KAZN: variants seen among roughly 807,000 people sequenced by gnomAD.
KAZN encodes kazrin, periplakin interacting protein.
A neutral mutation model predicts 87.4 loss-of-function variants in KAZN; 40 were observed. The ratio of observed to expected loss-of-function variants is 0.46; its 90% CI spans 0.36 to 0.60. KAZN has a LOEUF of 0.60. KAZN is among the 20% of genes least tolerant of loss of function. The probability of loss-of-function intolerance (pLI) is 0.00; values close to 1 mark genes in which losing one functional copy is unlikely to be tolerated. For synonymous variants in KAZN, 466 were observed against 458.3 expected, an observed-to-expected ratio of 1.02 and a Z score of -0.22; for missense variants, 898 against 1,073.9, an observed-to-expected ratio of 0.84 and a Z score of 2.29.
chr1:14,913,114 G>A (rs1431559767), intron 1 of KAZN, among the ~76,000 whole-genome samples: 2 of 152,224 alleles, frequency 1.3e-5, no homozygotes, highest in African/African-American at 4.8e-5. Flanking sequence ...CTTTAGGAGT[G>A]TGTGCTTGTG....
intron 7 of KAZN, among the ~76,000 whole-genome samples, chr1:15,065,306 G>A (rs1200429666): frequency 6.6e-6 from 1 of 152,164 alleles, no homozygotes; most frequent in Non-Finnish European, 1.5e-5. Flanking sequence ...GGGATTACAG[G>A]TGTGAGCCAC....
chr1:14,349,923 T>C (rs1399945000), intron 2 of KAZN, among the ~76,000 whole-genome samples: 1 of 151,952 alleles, frequency 6.6e-6, no homozygotes, highest in East Asian at 1.9e-4. Flanking sequence ...GATCACGAGT[T>C]CAGGAGATCG....
chr1:14,596,318 AC>A (rs1473773216), upstream of KAZN, among the ~76,000 whole-genome samples: 61 of 150,094 alleles, frequency 4.1e-4, no homozygotes, highest in African/African-American at 1.1e-3. Flanking sequence ...GCACACACAC[AC>A]ACACACACAC....
chr1:15,109,627 A>G (rs1035451080), intron 13 of KAZN, among the ~76,000 whole-genome samples: 2 of 126,368 alleles, frequency 1.6e-5, no homozygotes, highest in African/African-American at 6.3e-5. Flanking sequence ...GTGTGTGTGT[A>G]TATATGTGTA....
chr1:14,427,104 C>T (rs912903826), intron 2 of KAZN, among the ~76,000 whole-genome samples: 5 of 152,270 alleles, frequency 3.3e-5, no homozygotes, highest in East Asian at 3.9e-4. Flanking sequence ...GAAGGGAAGC[C>T]CCAAGGCAGA....
At chr1:14,158,229 A>G (rs546748190) in intron 1 of KAZN, among the ~76,000 whole-genome samples, 6 of 152,136 alleles carry the variant, frequency 3.9e-5, no homozygotes, top group African/African-American at 1.4e-4. Flanking sequence ...TTTAAGGCCA[A>G]TAACTTACAT....
At chr1:14,847,642 G>A (rs1325356814) in intron 1 of KAZN, among the ~76,000 whole-genome samples, 1 of 152,204 alleles carries the variant, frequency 6.6e-6, no homozygotes, top group African/African-American at 2.4e-5. Flanking sequence ...CATGATGCCA[G>A]GGACATTATC....
intron 2 of KAZN, among the ~76,000 whole-genome samples, chr1:14,202,778 A>G (rs1646665631): frequency 1.3e-5 from 2 of 152,122 alleles, no homozygotes; most frequent in African/African-American, 4.8e-5. Flanking sequence ...ATGATCAGGG[A>G]GGCTGAGGCA....
intron 2 of KAZN, among the ~76,000 whole-genome samples, chr1:14,229,716 G>T (rs368483731): frequency 1.3e-5 from 2 of 152,334 alleles, no homozygotes; most frequent in East Asian, 1.9e-4. Flanking sequence ...AGAGGAATCC[G>T]CACTTGAGGG....
chr1:14,067,331 T>G (rs945435406), intron 1 of KAZN, among the ~76,000 whole-genome samples: 23 of 152,214 alleles, frequency 1.5e-4, no homozygotes, highest in African/African-American at 5.3e-4. Context: ...AATGGGAAAC[T>G]TTCCCCCTCC....
Position 14,311,344 on chromosome 1 carries a change from T to C in KAZN, c.249+130752T>C, listed in dbSNP as rs1003044399. 5.3e-5 allele frequency among the ~76,000 whole-genome samples: 8 copies of C among 152,282 alleles called. No homozygotes were observed. The South Asian group carries it at 1.4e-3, about 28-fold the overall frequency. On this transcript the variant is annotated intron_variant, in intron 2 of 16. Transcript: ENST00000636203. ...TAATAAAAATTACTTTGTGGAGTCA[T>C]TGGGATCATTCAATGAGAGGATGAT...
At chr1:14,065,044 T>C (rs1430610371) in intron 1 of KAZN, among the ~76,000 whole-genome samples, 1 of 152,192 alleles carries the variant, frequency 6.6e-6, no homozygotes, top group African/African-American at 2.4e-5. Context: ...ATCTAGATGG[T>C]AACTTTTAAA....
intron 1 of KAZN, among the ~76,000 whole-genome samples, chr1:14,141,252 A>T (rs1306070737): frequency 6.7e-6 from 1 of 148,462 alleles, no homozygotes; most frequent in Non-Finnish European, 1.5e-5. Context: ...AAAAAAAAAA[A>T]ACAAAACTAA....
chr1:13,900,136 ATTC>A (rs1639194488), intron 1 of KAZN, among the ~76,000 whole-genome samples: 1 of 148,702 alleles, frequency 6.7e-6, no homozygotes, highest in Admixed American at 6.7e-5. Flanking sequence ...CTCAAGACTA[ATTC>A]TTCTTGATAG....
At chr1:14,445,595 C>T (rs530764584) in intron 2 of KAZN, among the ~76,000 whole-genome samples, 11 of 152,200 alleles carry the variant, frequency 7.2e-5, no homozygotes, top group Middle Eastern at 3.4e-3. Context: ...TGAAGCCCCC[C>T]GACTGTGGTA....
intron 1 of KAZN, among the ~76,000 whole-genome samples, chr1:13,934,010 G>T (rs1022102352): frequency 6.6e-6 from 1 of 152,166 alleles, no homozygotes; most frequent in Non-Finnish European, 1.5e-5. Context: ...AGAAAAGAAA[G>T]ACAAGATTAC....
At chr1:14,161,339 T>C (rs1379970354) in intron 1 of KAZN, among the ~76,000 whole-genome samples, 1 of 152,230 alleles carries the variant, frequency 6.6e-6, no homozygotes, top group African/African-American at 2.4e-5. Context: ...GAAGATGCAG[T>C]CACAGTGTTG....
In KAZN at chr1:13,943,200, TAGAG is replaced by T. The variant is rs543788068; in HGVS notation, c.91+49448_91+49451del. On this transcript the variant is annotated intron_variant, in intron 1 of 16. Transcript: ENST00000636203. ...ACTTATGAAAATGAAAAAAGGAAGT[TAGAG>T]AGAAGAAGATACTACTTTCAAAAGA... Among the ~76,000 whole-genome samples, 245 of 152,164 alleles carry T rather than the reference TAGAG, an allele frequency of 1.6e-3. 1 individual carries two copies. Among genetic ancestry groups the T allele is most frequent in the African/African-American group, 5.5e-3 (228 of 41,526 alleles).
chr1:14,247,664 A>C (rs1456157913), intron 2 of KAZN, among the ~76,000 whole-genome samples: 2 of 152,234 alleles, frequency 1.3e-5, no homozygotes, highest in East Asian at 3.8e-4. Flanking sequence ...ATACGCATCA[A>C]ATGAGACCAT....
Sources: gnomAD v4.1 joint callset for allele counts (sites outside exome capture counted in the v4.1 genomes callset) on GRCh38, gnomAD v4.1.1 for gene constraint, MANE v1.5 for transcripts, NCBI Gene and HGNC (gene_info 2026-07-23, HGNC 2026-07-21) for gene names.